The following CHAT variants were observed in gnomAD, a reference collection of about 807,000 sequenced individuals.
CHAT encodes acetyl CoA:choline O-acetyltransferase.
CHAT carries 61 observed loss-of-function variants against 76.9 expected under a neutral mutation model. The ratio of observed to expected loss-of-function variants is 0.79; its 90% CI spans 0.65 to 0.98. CHAT has a LOEUF of 0.98. CHAT is among the 50% of genes least tolerant of loss of function. CHAT has a pLI of 0.00. For missense variants in CHAT, 946 were observed against 986.9 expected (o/e 0.96, Z 0.56); for synonymous variants, 407 against 397.4 (o/e 1.02, Z -0.29).
chr10:49,653,940 T>C (rs1195164178), intron 11 of CHAT, among the ~76,000 whole-genome samples: 1 of 152,260 alleles, frequency 6.6e-6, no homozygotes, highest in Non-Finnish European at 1.5e-5. Context: ...GTGCTGTCAC[T>C]GGACAAGGCC....
At chr10:49,611,463 G>A, upstream of CHAT, 2 of 1,598,984 alleles carry the variant, frequency 1.3e-6, no homozygotes, top group African/African-American at 1.3e-5. Context: ...TCGCCGGCAA[G>A]CGCGTGCCCT....
At chr10:49,625,061 C>A (rs148153086) in intron 5 of CHAT, among the ~76,000 whole-genome samples, 2 of 152,306 alleles carry the variant, frequency 1.3e-5, no homozygotes, top group Non-Finnish European at 2.9e-5. Context: ...GGAAAAAGAA[C>A]TTCCTGCATT....
At chr10:49,630,481 T>C (rs566755198) in intron 7 of CHAT, among the ~76,000 whole-genome samples, 52 of 152,214 alleles carry the variant, frequency 3.4e-4, no homozygotes, top group African/African-American at 1.2e-3. Context: ...AACAAATGCT[T>C]GCACACTGAC....
chr10:49,647,042 A>C (rs1464940696), intron 8 of CHAT: 2 of 332,920 alleles, frequency 6.0e-6, no homozygotes, highest in Non-Finnish European at 1.1e-5. Context: ...AGAGTATAAC[A>C]GCCCCACTGA....
At chr10:49,645,980 C>T (rs1839648067) in intron 7 of CHAT, among the ~76,000 whole-genome samples, 1 of 152,192 alleles carries the variant, frequency 6.6e-6, no homozygotes, top group Non-Finnish European at 1.5e-5. Flanking sequence ...GTGACCAATA[C>T]ACTTCCTTCA....
At chr10:49,616,984 T>G (rs905741148) in intron 2 of CHAT, among the ~76,000 whole-genome samples, 2 of 152,214 alleles carry the variant, frequency 1.3e-5, no homozygotes, top group African/African-American at 4.8e-5. Flanking sequence ...CAGCTCCAGC[T>G]GCTATCACTA....
upstream of CHAT, among the ~76,000 whole-genome samples, chr10:49,610,065 C>T (rs867101542): frequency 2.6e-5 from 4 of 151,904 alleles, no homozygotes; most frequent in African/African-American, 4.8e-5. Context: ...CAGCTACCGG[C>T]GCGGAACGCC....
chr10:49,616,029 A>T, intron 1 of CHAT: 1 of 1,613,664 alleles, frequency 6.2e-7, no homozygotes, highest in Non-Finnish European at 8.5e-7. Context: ...GGAGTGAGGG[A>T]ATTCACCCTA....
chr10:49,662,803 C>T (rs745778298), intron 14 of CHAT, 21 bp downstream of exon 14: 6 of 1,614,154 alleles, frequency 3.7e-6, no homozygotes, highest in Admixed American at 3.3e-5. Context: ...GTGCAGCTAT[C>T]GCCCAAGAGT....
rs1760294685 is a variant in CHAT at position 49,648,627 on chromosome 10, C to T, written c.1382+20C>T. 6.4e-7 allele frequency: 1 copy of T among 1,562,552 alleles called. No homozygotes were observed. The highest frequency in any genetic ancestry group is 1.4e-5 in the African/African-American group (1 of 73,986). ...GCACGTGTGAGTCTGGATCCCAGGG[C>T]TGCCATGCTGGGCCCAAAAAAATGT... On this transcript the variant is annotated intron_variant, in intron 9 of 14. Coordinates refer to ENST00000337653, the MANE Select transcript of CHAT (RefSeq NM_020549.5).
intron 1 of CHAT, 148 bp from the exon 2 acceptor site, chr10:49,616,354 G>A (rs1402690929): frequency 2.7e-6 from 2 of 734,568 alleles, no homozygotes; most frequent in Non-Finnish European, 4.9e-6. Context: ...AGAGACTGGG[G>A]CCACGCCTGC....
chr10:49,653,560 A>C (rs762523404), intron 11 of CHAT, among the ~76,000 whole-genome samples: 18 of 152,336 alleles, frequency 1.2e-4, no homozygotes, highest in Middle Eastern at 6.8e-3. Context: ...CGGGGCTGTA[A>C]TTCTCAAGGA....
chr10:49,660,488 A>T (rs2132846994), intron 13 of CHAT, among the ~76,000 whole-genome samples: 1 of 152,066 alleles, frequency 6.6e-6, no homozygotes, highest in East Asian at 1.9e-4. Flanking sequence ...TAACAAGAAG[A>T]TTATAGGTAA....
At chr10:49,656,075 C>T (rs552488978) in intron 13 of CHAT, among the ~76,000 whole-genome samples, 1 of 152,278 alleles carries the variant, frequency 6.6e-6, no homozygotes, top group Admixed American at 6.5e-5. Flanking sequence ...CATTCTAATA[C>T]AGTCTTTGAA....
intron 11 of CHAT, among the ~76,000 whole-genome samples, chr10:49,652,607 C>T (rs1396913406): frequency 6.6e-6 from 1 of 152,222 alleles, no homozygotes; most frequent in Non-Finnish European, 1.5e-5. Context: ...TCACTGCTTC[C>T]AGTGTTGCCC....
chr10:49,624,020 G>A lies in CHAT; in HGVS notation c.753-1453G>A, dbSNP rs114326223. ...AATGGAAACCCAGTCATGCCCCTGC[G>A]TGCTAAAGCCTCCCAAGGGCTTTCA... On this transcript the variant is annotated intron_variant, in intron 5 of 14. Transcript: ENST00000337653. 4.2e-3 allele frequency among the ~76,000 whole-genome samples: 638 copies of A among 152,242 alleles called. 9 individuals are homozygous for A. Among genetic ancestry groups the A allele is most frequent in the African/African-American group, 0.014 (598 of 41,528 alleles).
intron 2 of CHAT, 84 bp downstream of exon 2, chr10:49,616,686 GC>G: frequency 1.0e-6 from 1 of 982,294 alleles, no homozygotes; most frequent in Non-Finnish European, 1.6e-6. Flanking sequence ...AGTGGGACTG[GC>G]CCCCAGCATT....
At chr10:49,662,188 GACA>G (rs1320826679) in intron 13 of CHAT, among the ~76,000 whole-genome samples, 1 of 152,164 alleles carries the variant, frequency 6.6e-6, no homozygotes, top group Non-Finnish European at 1.5e-5. Flanking sequence ...GTCTGTTCAG[GACA>G]GCCTGGGACG....
At chr10:49,611,055 G>A, upstream of CHAT, 1 of 1,614,006 alleles carries the variant, frequency 6.2e-7, no homozygotes, top group Non-Finnish European at 8.5e-7. Context: ...CAGCTGCGTG[G>A]CCAGCGGGCT....
Sources: allele counts gnomAD v4.1 joint callset (sites outside exome capture counted in the v4.1 genomes callset), GRCh38; gene constraint gnomAD v4.1.1; transcripts MANE v1.5; gene names NCBI Gene and HGNC (gene_info 2026-07-23, HGNC 2026-07-21).